The following OXR1 variants were observed in gnomAD, a reference collection of about 807,000 sequenced individuals.
OXR1 encodes oxidation resistance protein 1.
OXR1 carries 41 observed loss-of-function variants against 104.6 expected under a neutral mutation model. That is an observed-to-expected ratio of 0.39 (90% CI 0.31 to 0.51). The LOEUF is 0.51. Ranked by LOEUF, OXR1 falls within the 20% of genes least tolerant of loss-of-function variation. The pLI, the probability that OXR1 is intolerant of heterozygous loss-of-function variation, is 0.77. For synonymous variants in OXR1, 348 were observed against 348.4 expected, an observed-to-expected ratio of 1.00 and a Z score of 0.01; for missense variants, 955 against 1,031.9, an observed-to-expected ratio of 0.93 and a Z score of 1.02.
chr8:106,394,266 G>T (rs1817691346), intron 2 of OXR1, among the ~76,000 whole-genome samples: 1 of 150,580 alleles, frequency 6.6e-6, no homozygotes, highest in African/African-American at 2.4e-5. Flanking sequence ...TTTTTAAAGG[G>T]TATATTTAAT....
intron 2 of OXR1, among the ~76,000 whole-genome samples, chr8:106,454,141 A>C (rs1198615044): frequency 6.6e-6 from 1 of 152,174 alleles, no homozygotes; most frequent in Non-Finnish European, 1.5e-5. Context: ...TCTACCTGCA[A>C]ATCATTGAGA....
chr8:106,726,289 A>G, intron 11 of OXR1: 1 of 1,518,868 alleles, frequency 6.6e-7, no homozygotes, highest in South Asian at 1.2e-5. Context: ...ACATCAACCA[A>G]TTAATCATAA....
At chr8:106,397,206 A>G (rs1230615973) in intron 2 of OXR1, among the ~76,000 whole-genome samples, 1 of 152,106 alleles carries the variant, frequency 6.6e-6, no homozygotes, top group Non-Finnish European at 1.5e-5. Context: ...GTACTTGTGC[A>G]TGCATTTCTT....
At chr8:106,603,340 A>T (rs1820115156) in intron 3 of OXR1, among the ~76,000 whole-genome samples, 1 of 152,226 alleles carries the variant, frequency 6.6e-6, no homozygotes, top group Non-Finnish European at 1.5e-5. Context: ...TTTTTTCTAA[A>T]AACATACAGT....
At chr8:106,750,157 C>A (rs1416152318) in intron 16 of OXR1, among the ~76,000 whole-genome samples, 1 of 145,224 alleles carries the variant, frequency 6.9e-6, no homozygotes, top group Non-Finnish European at 1.5e-5. Flanking sequence ...CACACATACA[C>A]AAAAAAAAAA....
intron 1 of OXR1, among the ~76,000 whole-genome samples, chr8:106,339,286 G>A (rs1023141747): frequency 6.6e-6 from 1 of 151,364 alleles, no homozygotes; most frequent in African/African-American, 2.4e-5. Flanking sequence ...ACAAGGTCAG[G>A]AGATAGAGAC....
chr8:106,356,453 G>A (rs2130325479), intron 1 of OXR1, among the ~76,000 whole-genome samples: 1 of 152,210 alleles, frequency 6.6e-6, no homozygotes, highest in Middle Eastern at 3.4e-3. Flanking sequence ...ATTGTACCAT[G>A]TACATTGACA....
chr8:106,582,869 C>T (rs982125051), intron 3 of OXR1, among the ~76,000 whole-genome samples: 4 of 152,286 alleles, frequency 2.6e-5, no homozygotes, highest in Admixed American at 1.3e-4. Flanking sequence ...ACCAATGTCA[C>T]AGTCTCTTGG....
intron 3 of OXR1, among the ~76,000 whole-genome samples, chr8:106,652,731 G>T (rs1304876529): frequency 6.6e-6 from 1 of 151,278 alleles, no homozygotes; most frequent in Non-Finnish European, 1.5e-5. Flanking sequence ...GGAAATAGAA[G>T]ATACTAAACA....
At chr8:106,561,159 G>C (rs1816650344) in intron 3 of OXR1, among the ~76,000 whole-genome samples, 1 of 152,024 alleles carries the variant, frequency 6.6e-6, no homozygotes, top group South Asian at 2.1e-4. Context: ...CCTCAAGCAA[G>C]GGAGCCAAGT....
chr8:106,630,673 A>G (rs1360077487), intron 3 of OXR1, among the ~76,000 whole-genome samples: 2 of 152,232 alleles, frequency 1.3e-5, no homozygotes, highest in Non-Finnish European at 2.9e-5. Flanking sequence ...AGAGGAAGGT[A>G]CAAGGAAGAA....
rs756271046 is a variant in OXR1, at chr8:106,692,826, A to G, written c.624A>G (p.Ala208=). 1 of 1,606,952 alleles carries G rather than the reference A, an allele frequency of 6.2e-7. No individual in the cohort carries two copies. Among genetic ancestry groups the G allele is most frequent in the Non-Finnish European group, 8.5e-7 (1 of 1,174,942 alleles). ...CTTCAACTTCTGAGGAGGAGGAAGC[A>G]TTTACTGAGAAATTTCTTAAAATTA... ...VVSSTSEEEE[A]FTEKFLKINC... is the part of the protein sequence containing the mutation. The change falls in exon 7 of 17, where the codon GCA becomes GCG. Residue 208 remains alanine (A), a synonymous_variant. Transcript: ENST00000517566.
chr8:106,598,783 A>C (rs1005450288), intron 3 of OXR1, among the ~76,000 whole-genome samples: 1 of 152,212 alleles, frequency 6.6e-6, no homozygotes, highest in African/African-American at 2.4e-5. Context: ...ATTTTAGTGT[A>C]AACTTCACCA....
intron 2 of OXR1, among the ~76,000 whole-genome samples, chr8:106,415,178 T>C (rs1276270633): frequency 6.6e-6 from 1 of 152,140 alleles, no homozygotes; most frequent in East Asian, 1.9e-4. Flanking sequence ...AGTGCCATAA[T>C]TTACTTTTCA....
chr8:106,274,695 A>G (rs1811965518), intron 1 of OXR1, among the ~76,000 whole-genome samples: 1 of 148,454 alleles, frequency 6.7e-6, no homozygotes, highest in Non-Finnish European at 1.5e-5. Flanking sequence ...CTGTCTTGGA[A>G]AAAGGCAGTG....
intron 2 of OXR1, among the ~76,000 whole-genome samples, chr8:106,421,149 A>G (rs903129762): frequency 6.6e-6 from 1 of 152,142 alleles, no homozygotes. Context: ...TACCACTGCC[A>G]AATAGATGAT....
At position 106,420,155 on chromosome 8, in the gene OXR1, C is replaced by T. The variant is rs79852491; in HGVS notation, c.23+60519C>T. The stretch of plus-strand genomic sequence containing the variant: ...AGAAATTTAACATATAAGAAACTGA[C>T]ACTGAAGCAAAGCTGACGGTTTTAA... On this transcript the variant is annotated intron_variant, in intron 2 of 16. Coordinates refer to ENST00000517566, the MANE Select transcript of OXR1 (RefSeq NM_001198533.2). 4.1e-3 allele frequency among the ~76,000 whole-genome samples: 622 copies of T among 152,178 alleles called. 3 individuals carry two copies. Among genetic ancestry groups the T allele is most frequent in the African/African-American group, 0.014 (590 of 41,538 alleles).
At chr8:106,462,178 C>G (rs914906298) in intron 2 of OXR1, among the ~76,000 whole-genome samples, 46 of 152,218 alleles carry the variant, frequency 3.0e-4, no homozygotes, top group Non-Finnish European at 5.9e-5. Flanking sequence ...AAAATCCTAC[C>G]TCTGCAAATA....
intron 3 of OXR1, among the ~76,000 whole-genome samples, chr8:106,565,056 T>C: frequency 6.6e-6 from 1 of 152,182 alleles, no homozygotes; most frequent in Admixed American, 6.5e-5. Context: ...AAGCATTCCC[T>C]TTGAAAACTA....
Sources: allele counts gnomAD v4.1 joint callset (sites outside exome capture counted in the v4.1 genomes callset), GRCh38; gene constraint gnomAD v4.1.1; transcripts MANE v1.5; gene names NCBI Gene and HGNC (gene_info 2026-07-23, HGNC 2026-07-21).